PJA2: variants seen among roughly 807,000 people sequenced by gnomAD.
PJA2 encodes the protein E3 ubiquitin-protein ligase Praja-2.
Under a neutral mutation model 69.3 loss-of-function variants are expected in PJA2, and 25 were observed. That is an observed-to-expected ratio of 0.36 (90% CI 0.26 to 0.50). The LOEUF is 0.50. PJA2 is among the 20% of genes least tolerant of loss of function. PJA2 has a pLI of 0.96. For synonymous variants in PJA2, 308 were observed against 277.8 expected, an observed-to-expected ratio of 1.11 and a Z score of -1.08; for missense variants, 809 against 830.2, an observed-to-expected ratio of 0.97 and a Z score of 0.31.
chr5:109,349,874 A>G (rs1372254593), intron 7 of PJA2, among the ~76,000 whole-genome samples: 1 of 152,120 alleles, frequency 6.6e-6, no homozygotes, highest in African/African-American at 2.4e-5. Context: ...TTCCCATTGC[A>G]AGATAGGAAA....
intron 1 of PJA2, among the ~76,000 whole-genome samples, chr5:109,389,316 T>C (rs957372911): frequency 6.6e-6 from 1 of 152,104 alleles, no homozygotes; most frequent in Non-Finnish European, 1.5e-5. Flanking sequence ...TAAATTCAAC[T>C]ACCTTAATAG....
In PJA2 at chr5:109,340,667, C is replaced by CT. The variant is rs1561338828; in HGVS notation, c.2002-3312_2002-3311insA. Reference sequence around the variant, plus strand: ...CCCTCCCCCTCCCCCTCCCCCTCCCCCTCCCTCTCCCCACGGTCTCCCTCT... The same window carrying CT: ...CCCTCCCCCTCCCCCTCCCCCTCCCCTCTCCCTCTCCCCACGGTCTCCCTCT... On this transcript the variant is annotated intron_variant, in intron 9 of 9. Transcript: ENST00000361189. 1.8e-3 allele frequency among the ~76,000 whole-genome samples: 13 copies of CT among 7,150 alleles called. 3 individuals are homozygous for CT. The highest frequency in any genetic ancestry group is 8.7e-3 in the African/African-American group (10 of 1,148). 4.7% of individuals were successfully genotyped at this position (7,150 alleles called of 152,430 possible).
chr5:109,396,746 C>T (rs1172103647), intron 1 of PJA2, among the ~76,000 whole-genome samples: 1 of 104,098 alleles, frequency 9.6e-6, no homozygotes, highest in Non-Finnish European at 1.7e-5. Context: ...TTCTAACCAT[C>T]GCAAGACCAA....
intron 2 of PJA2, among the ~76,000 whole-genome samples, chr5:109,382,725 A>G (rs1191509397): frequency 6.6e-6 from 1 of 152,028 alleles, no homozygotes; most frequent in Non-Finnish European, 1.5e-5. Context: ...GCACATGCCC[A>G]TAATTCCAGC....
chr5:109,379,372 A>C, intron 3 of PJA2, 118 bp from the exon 4 acceptor site: 1 of 729,650 alleles, frequency 1.4e-6, no homozygotes, highest in Non-Finnish European at 2.2e-6. Context: ...ACATGAGTAA[A>C]TTTATTTACC....
chr5:109,382,171 C>G (rs1448868476), intron 2 of PJA2, among the ~76,000 whole-genome samples: 1 of 152,008 alleles, frequency 6.6e-6, no homozygotes, highest in Non-Finnish European at 1.5e-5. Context: ...TCAAAGATAA[C>G]AAGTAACCTC....
chr5:109,401,237 T>C (rs1056164511), intron 1 of PJA2, among the ~76,000 whole-genome samples: 2 of 152,034 alleles, frequency 1.3e-5, no homozygotes, highest in East Asian at 1.9e-4. Context: ...TGAGCTGAGA[T>C]GGCGCCATTG....
chr5:109,395,534 G>C (rs1747387793), intron 1 of PJA2, among the ~76,000 whole-genome samples: 1 of 152,082 alleles, frequency 6.6e-6, no homozygotes, highest in Non-Finnish European at 1.5e-5. Context: ...CTTCGGGGGA[G>C]GGAATAAAAA....
chr5:109,380,804 CAAAAAA>C (rs34675958), intron 3 of PJA2, among the ~76,000 whole-genome samples: 3 of 88,732 alleles, frequency 3.4e-5, no homozygotes, highest in African/African-American at 4.9e-5. Flanking sequence ...GATTCCATCT[CAAAAAA>C]AAAAAAAAAA....
chr5:109,368,864 T>C, intron 4 of PJA2, 118 bp from the exon 5 acceptor site: 1 of 1,065,918 alleles, frequency 9.4e-7, no homozygotes, highest in South Asian at 1.7e-5. Context: ...TGTTGAACTG[T>C]AATCCAAAAT....
intron 1 of PJA2, among the ~76,000 whole-genome samples, chr5:109,386,390 C>G (rs897525973): frequency 2.0e-5 from 3 of 152,124 alleles, no homozygotes; most frequent in African/African-American, 7.2e-5. Context: ...GTGCAAATGC[C>G]TGATAGGAAT....
intron 6 of PJA2, among the ~76,000 whole-genome samples, chr5:109,357,167 A>C (rs1762426719): frequency 6.6e-6 from 1 of 152,150 alleles, no homozygotes; most frequent in Non-Finnish European, 1.5e-5. Context: ...GGGCACCCTG[A>C]GTAGATGTAC....
chr5:109,394,436 G>A (rs1485411743), intron 1 of PJA2, among the ~76,000 whole-genome samples: 1 of 152,144 alleles, frequency 6.6e-6, no homozygotes, highest in Non-Finnish European at 1.5e-5. Flanking sequence ...TAAGCACAGT[G>A]CAATAAAAAG....
chr5:109,402,298 G>A (rs1029944260), intron 1 of PJA2, among the ~76,000 whole-genome samples: 3 of 152,114 alleles, frequency 2.0e-5, no homozygotes, highest in African/African-American at 7.2e-5. Flanking sequence ...ATTAAAAAAG[G>A]CTGTCTAGAA....
chr5:109,402,844 C>A (rs1026544751), intron 1 of PJA2, among the ~76,000 whole-genome samples: 18 of 151,946 alleles, frequency 1.2e-4, no homozygotes, highest in African/African-American at 4.3e-4. Flanking sequence ...TAAACAGCAA[C>A]CTTCATGGGT....
chr5:109,401,317 G>C (rs998810939), intron 1 of PJA2, among the ~76,000 whole-genome samples: 1 of 152,066 alleles, frequency 6.6e-6, no homozygotes, highest in African/African-American at 2.4e-5. Context: ...ATGACAGCCT[G>C]GGCACAGTGG....
chr5:109,378,925 C>G lies in PJA2; in HGVS notation c.562G>C (p.Val188Leu), dbSNP rs772357045. 8.7e-6 allele frequency: 14 copies of G among 1,614,172 alleles called. No homozygotes were observed. In the South Asian group the frequency reaches 1.3e-4, roughly 15 times the overall value. The change falls in exon 4 of 10, where the codon GTG becomes CTG. Residue 188 changes from valine (V) to leucine (L), a missense_variant. Val to Leu is a conservative substitution (Grantham distance 32). Around this residue, in one of 4 missense-constraint regions of PJA2, gnomAD observed 700 missense variants for 639.5 expected, o/e 1.09. Coordinates refer to ENST00000361189, the MANE Select transcript of PJA2 (RefSeq NM_014819.5). ...NDHLQLSAEV[V>L]EGSRYQESLG... ...GATTCCTGGTATCTACTACCTTCCACGACTTCTGCAGAAAGTTGAAGATGG... is the reference window on the plus strand; with the variant it reads ...GATTCCTGGTATCTACTACCTTCCAGGACTTCTGCAGAAAGTTGAAGATGG...
In PJA2 at chr5:109,378,583, T is replaced by C; in HGVS notation, c.904A>G (p.Arg302Gly). 1.9e-6 allele frequency: 3 copies of C among 1,614,186 alleles called. No homozygotes were observed. Among genetic ancestry groups the C allele is most frequent in the South Asian group, 2.2e-5 (2 of 91,080 alleles). Residue 302 changes from arginine to glycine, a missense_variant, in exon 4 of 10, where the codon AGG (arginine) becomes GGG (glycine). Coordinates refer to ENST00000361189, the MANE Select transcript of PJA2 (RefSeq NM_014819.5). ...HICSEQNTND[R>G]EKNHGSSPEQ... ...GGAGAACTTCCATGGTTCTTTTCCC[T>C]ATCATTGGTATTTTGTTCACTACAA...
intron 1 of PJA2, among the ~76,000 whole-genome samples, chr5:109,401,343 G>C (rs115216323): frequency 0.038 from 5,762 of 152,122 alleles, 111 homozygotes; most frequent in Middle Eastern, 0.051. Context: ...GCCTGCAAAT[G>C]CAGGATTTTT....
Sources: gnomAD v4.1 joint callset for allele counts (sites outside exome capture counted in the v4.1 genomes callset) on GRCh38, gnomAD v4.1.1 for gene constraint, gnomAD v4.1.1 regional missense constraint, MANE v1.5 for transcripts, NCBI Gene and HGNC (gene_info 2026-07-23, HGNC 2026-07-21) for gene names.